Variants in STON2 observed in about 807,000 individuals in gnomAD.
STON2 encodes the protein stonin 2.
In STON2, 29 loss-of-function variants were observed where a neutral mutation model predicts 65.7. The ratio of observed to expected loss-of-function variants is 0.44; its 90% confidence interval spans 0.33 to 0.60. The LOEUF (loss-of-function observed/expected upper bound fraction) is 0.60, where lower values mean the gene tolerates loss of function less well. Among genes scored for constraint, STON2 ranks in the 20% least tolerant of loss-of-function variants. The pLI is 0.03. For missense variants in STON2, 1,054 were observed against 1,118.1 expected (o/e 0.94, Z 0.82); for synonymous variants, 404 against 414.2 (o/e 0.98, Z 0.30).
At chr14:81,355,691 C>T (rs956201645) in intron 4 of STON2, among the ~76,000 whole-genome samples, 12 of 152,236 alleles carry the variant, frequency 7.9e-5, no homozygotes, top group African/African-American at 2.2e-4. Flanking sequence ...TCATAAATAA[C>T]GTAAAAATTA....
At chr14:81,355,867 G>C (rs1898208384) in intron 4 of STON2, among the ~76,000 whole-genome samples, 1 of 152,058 alleles carries the variant, frequency 6.6e-6, no homozygotes, top group Non-Finnish European at 1.5e-5. Context: ...TGTATCCTGA[G>C]ACTTTGCTGA....
At chr14:81,348,066 T>A (rs1422659496) in intron 4 of STON2, among the ~76,000 whole-genome samples, 2 of 152,004 alleles carry the variant, frequency 1.3e-5, no homozygotes, top group Non-Finnish European at 2.9e-5. Flanking sequence ...TTGGTAAAAT[T>A]CAACATTCCT....
chr14:81,359,192 T>C (rs956871839), intron 4 of STON2, among the ~76,000 whole-genome samples: 1 of 152,240 alleles, frequency 6.6e-6, no homozygotes, highest in African/African-American at 2.4e-5. Flanking sequence ...TCAAGTGTGT[T>C]TTCTGACCAC....
At chr14:81,309,018 C>T (rs1262293446) in intron 5 of STON2, among the ~76,000 whole-genome samples, 1 of 149,868 alleles carries the variant, frequency 6.7e-6, no homozygotes. Flanking sequence ...TTAACCTTTC[C>T]CTGGTGTTTG....
chr14:81,277,057 A>T lies in STON2; in HGVS notation c.2425T>A (p.Ser809Thr), dbSNP rs760263612. The T allele has an allele frequency of 6.2e-7, 1 of 1,614,200 alleles. No individual in the cohort carries two copies. Among genetic ancestry groups the T allele is most frequent in the Non-Finnish European group, 8.5e-7 (1 of 1,180,040 alleles). ...CCCCGGTTCACTTTGGCTTTCAAAGACTTTTCCCCCAGGACACTTTCCCTG... is the reference window on the plus strand; with the variant it reads ...CCCCGGTTCACTTTGGCTTTCAAAGTCTTTTCCCCCAGGACACTTTCCCTG... ...FRRESVLGEK[S>T]LKAKVNRGAS... is the part of the protein sequence containing the mutation. The change falls in exon 6 of 8, where the codon TCT becomes ACT. Residue 809 changes from serine (S) to threonine (T), a missense_variant. Coordinates refer to ENST00000614646, the MANE Select transcript of STON2 (RefSeq NM_001394390.1).
At chr14:81,367,306 G>A (rs1448030855) in intron 4 of STON2, among the ~76,000 whole-genome samples, 1 of 152,054 alleles carries the variant, frequency 6.6e-6, no homozygotes, top group East Asian at 1.9e-4. Flanking sequence ...AGCTTCTCAA[G>A]TAGCTGGAAT....
intron 4 of STON2, among the ~76,000 whole-genome samples, chr14:81,343,335 T>C (rs1421260874): frequency 1.3e-5 from 2 of 152,192 alleles, no homozygotes; most frequent in Non-Finnish European, 2.9e-5. Context: ...TAACAATGTG[T>C]TGCTTGCGGC....
At position 81,278,618 on chromosome 14, in the gene STON2, G is replaced by A. The variant is rs1241882634; in HGVS notation, c.864C>T (p.Ser288=). The change falls in exon 6 of 8, where the codon AGC becomes AGT. Residue 288 remains serine, a synonymous_variant. Transcript: ENST00000614646. ...APPVTSARFP[S]WVTFDDNEVS... ...CTTCATTGTCATCAAAGGTGACCCAGCTGGGAAAACGAGCAGAGGTCACTG... is the reference window on the plus strand; with the variant it reads ...CTTCATTGTCATCAAAGGTGACCCAACTGGGAAAACGAGCAGAGGTCACTG... The A allele has an allele frequency of 6.3e-7, 1 of 1,590,220 alleles. No homozygotes were observed. The highest frequency in any genetic ancestry group is 8.6e-7 in the Non-Finnish European group (1 of 1,166,640).
chr14:81,352,790 C>A (rs1259666434), intron 4 of STON2, among the ~76,000 whole-genome samples: 1 of 152,086 alleles, frequency 6.6e-6, no homozygotes, highest in Non-Finnish European at 1.5e-5. Flanking sequence ...AAGGGACTTG[C>A]AAAAATCTCT....
At chr14:81,353,416 C>A (rs753622543) in intron 4 of STON2, among the ~76,000 whole-genome samples, 27 of 152,134 alleles carry the variant, frequency 1.8e-4, no homozygotes, top group Admixed American at 8.5e-4. Flanking sequence ...AGCTTCACCA[C>A]CCCCAACAAA....
At chr14:81,358,507 A>G (rs1898351735) in intron 4 of STON2, among the ~76,000 whole-genome samples, 2 of 152,226 alleles carry the variant, frequency 1.3e-5, no homozygotes, top group African/African-American at 2.4e-5. Flanking sequence ...CAAAACAACC[A>G]GAAGGCAATT....
At position 81,267,062 on chromosome 14, in the gene STON2, A is replaced by T. The variant is rs1894384432; in HGVS notation, c.*1352T>A. The T allele has an allele frequency of 1.0e-6, 1 of 985,154 alleles. No individual in the cohort carries two copies. The highest frequency in any genetic ancestry group is 1.2e-6 in the Non-Finnish European group (1 of 829,798). 61.0% of individuals were successfully genotyped at this position (985,154 alleles called of 1,614,324 possible). A position where few individuals can be genotyped will look rare whatever the true frequency, so the allele number is the denominator to read the frequency against. Reference sequence around the variant, plus strand: ...TGAATCCATCAGCCAAAAACTGGAGATATTTTTCATTTCTGCATCATCTAC... The same window carrying T: ...TGAATCCATCAGCCAAAAACTGGAGTTATTTTTCATTTCTGCATCATCTAC... On this transcript the variant is annotated 3_prime_UTR_variant, in exon 8 of 8. Coordinates refer to ENST00000614646, the MANE Select transcript of STON2 (RefSeq NM_001394390.1).
intron 5 of STON2, among the ~76,000 whole-genome samples, chr14:81,307,007 T>C (rs540229859): frequency 6.6e-6 from 1 of 152,300 alleles, no homozygotes; most frequent in African/African-American, 2.4e-5. Context: ...AAAAGTCAAG[T>C]TGATCATGAA....
intron 4 of STON2, among the ~76,000 whole-genome samples, chr14:81,368,576 C>T (rs541586773): frequency 1.7e-4 from 26 of 152,100 alleles, no homozygotes; most frequent in South Asian, 8.3e-4. Context: ...TAGCCAGGCG[C>T]GGTGGCACAC....
intron 4 of STON2, among the ~76,000 whole-genome samples, chr14:81,324,983 C>T (rs1896956163): frequency 6.6e-6 from 1 of 152,164 alleles, no homozygotes; most frequent in Admixed American, 6.6e-5. Flanking sequence ...TCCTCTTTCA[C>T]ATGTGAGCAC....
intron 3 of STON2, among the ~76,000 whole-genome samples, chr14:81,392,254 G>A (rs544352371): frequency 5.3e-5 from 8 of 152,284 alleles, no homozygotes; most frequent in South Asian, 2.1e-4. Context: ...CCTGTGCACT[G>A]GGGTGGAGCT....
chr14:81,338,880 GA>G (rs1353682405), intron 4 of STON2, among the ~76,000 whole-genome samples: 2 of 152,290 alleles, frequency 1.3e-5, no homozygotes, highest in Admixed American at 1.3e-4. Flanking sequence ...GCATAATAAG[GA>G]ATCAAGGAAA....
rs951197890 is a variant in STON2 at position 81,326,415 on chromosome 14, CTGA to C, written c.572-2231_572-2229del. Among the ~76,000 whole-genome samples, 3 of 152,146 alleles carry C rather than the reference CTGA, an allele frequency of 2.0e-5. No individual in the cohort carries two copies. The South Asian group carries it at 6.2e-4, about 31-fold the overall frequency. The stretch of plus-strand genomic sequence containing the variant: ...TGGCTCATACAACCCCTCCTTTTTA[CTGA>C]TGATGGAAAGAATATCCAGAAGATT... On this transcript the variant is annotated intron_variant, in intron 4 of 7. Coordinates refer to ENST00000614646, the MANE Select transcript of STON2 (RefSeq NM_001394390.1).
Position 81,264,935 on chromosome 14 carries a change from C to T in STON2, c.*3479G>A, listed in dbSNP as rs966980080. The T allele has an allele frequency of 1.8e-5, 18 of 985,204 alleles. No individual in the cohort carries two copies. Among genetic ancestry groups the T allele is most frequent in the African/African-American group, 1.7e-4 (10 of 57,200 alleles). 61.0% of individuals were successfully genotyped at this position (985,204 alleles called of 1,614,324 possible). The stretch of plus-strand genomic sequence containing the variant: ...ATCTTTTTGCTGTAAAGTCAAAAAG[C>T]AGGCCCTAGACTCAAAAGAAAGCAC... On this transcript the variant is annotated 3_prime_UTR_variant, in exon 8 of 8. Transcript: ENST00000614646.
Sources: gnomAD v4.1 joint callset for allele counts (sites outside exome capture counted in the v4.1 genomes callset) on GRCh38, gnomAD v4.1.1 for gene constraint, MANE v1.5 for transcripts, NCBI Gene and HGNC (gene_info 2026-07-23, HGNC 2026-07-21) for gene names.